GALNTL6: variants seen among roughly 807,000 people sequenced by gnomAD.
The protein encoded by GALNTL6 is polypeptide N-acetylgalactosaminyltransferase-like 6.
A neutral mutation model predicts 73.7 loss-of-function variants in GALNTL6; 46 were observed. That is an observed-to-expected ratio of 0.62 (90% confidence interval 0.49 to 0.80). The LOEUF (loss-of-function observed/expected upper bound fraction) is 0.80. GALNTL6 is among the 30% of genes least tolerant of loss of function. The probability of loss-of-function intolerance (pLI) is 0.00; values close to 1 mark genes in which losing one functional copy is unlikely to be tolerated. For synonymous variants in GALNTL6, 259 were observed against 263.7 expected, an observed-to-expected ratio of 0.98 and a Z score of 0.17; for missense variants, 604 against 755.0, an observed-to-expected ratio of 0.80 and a Z score of 2.34.
chr4:172,375,258 A>G (rs938665184), intron 5 of GALNTL6, among the ~76,000 whole-genome samples: 4 of 152,142 alleles, frequency 2.6e-5, no homozygotes, highest in Non-Finnish European at 5.9e-5. Context: ...CTTCCCTCTT[A>G]CAGAAAAGGT....
Position 172,607,202 on chromosome 4 carries a change from A to G in GALNTL6, c.554-202159A>G, listed in dbSNP as rs544671452. Among the ~76,000 whole-genome samples the G allele has an allele frequency of 3.3e-5, 5 of 152,174 alleles. No homozygotes were observed. In the South Asian group the frequency reaches 1.0e-3, roughly 32 times the overall value. On this transcript the variant is annotated intron_variant, in intron 5 of 12. Transcript: ENST00000506823. Reference sequence around the variant, plus strand: ...TATGGACCTATACTTTAATCCCTCTACTCTCATGAGGGTTTGGTGTACAGA... The same window carrying G: ...TATGGACCTATACTTTAATCCCTCTGCTCTCATGAGGGTTTGGTGTACAGA...
chr4:172,899,862 A>G (rs1214237901), intron 8 of GALNTL6, among the ~76,000 whole-genome samples: 2 of 152,176 alleles, frequency 1.3e-5, no homozygotes, highest in Admixed American at 6.5e-5. Flanking sequence ...TACCGTTGCC[A>G]TGGCATTTGT....
Position 172,870,716 on chromosome 4 carries a change from G to A in GALNTL6, c.924-12074G>A, listed in dbSNP as rs571473982. Among the ~76,000 whole-genome samples the A allele has an allele frequency of 2.6e-5, 4 of 152,278 alleles. No individual in the cohort carries two copies. In the South Asian group the frequency reaches 8.3e-4, roughly 32 times the overall value. ...GGAGATAGTTGAACAGTTCAGACCGGCCTAGGACAGAGACACCTGGTTTAC... is the reference window on the plus strand; with the variant it reads ...GGAGATAGTTGAACAGTTCAGACCGACCTAGGACAGAGACACCTGGTTTAC... On this transcript the variant is annotated intron_variant, in intron 7 of 12. Coordinates refer to ENST00000506823, the MANE Select transcript of GALNTL6 (RefSeq NM_001034845.3).
chr4:172,392,264 C>T (rs1455403458), intron 5 of GALNTL6, among the ~76,000 whole-genome samples: 2 of 152,156 alleles, frequency 1.3e-5, no homozygotes, highest in Admixed American at 1.3e-4. Flanking sequence ...GCTGGAATCA[C>T]AGACATGAGC....
intron 5 of GALNTL6, among the ~76,000 whole-genome samples, chr4:172,758,230 T>C (rs1483755193): frequency 6.6e-6 from 1 of 152,164 alleles, no homozygotes; most frequent in Non-Finnish European, 1.5e-5. Context: ...TTATACAATT[T>C]TTTGTATAGT....
intron 5 of GALNTL6, among the ~76,000 whole-genome samples, chr4:172,691,832 G>A (rs1560883690): frequency 6.6e-6 from 1 of 152,192 alleles, no homozygotes. Flanking sequence ...CAGAATTATA[G>A]CAGAAGCTGA....
intron 5 of GALNTL6, among the ~76,000 whole-genome samples, chr4:172,651,618 T>C (rs553942972): frequency 6.6e-6 from 1 of 152,324 alleles, no homozygotes; most frequent in South Asian, 2.1e-4. Flanking sequence ...TATTTCATCA[T>C]ATATAACAAA....
At chr4:171,920,483 T>C (rs1480704696) in intron 2 of GALNTL6, among the ~76,000 whole-genome samples, 1 of 152,164 alleles carries the variant, frequency 6.6e-6, no homozygotes, top group Non-Finnish European at 1.5e-5. Flanking sequence ...GTAGGAGTCC[T>C]AACTAACTAG....
chr4:172,753,332 G>T lies in GALNTL6; in HGVS notation c.554-56029G>T, dbSNP rs147936637. 2.8e-4 allele frequency among the ~76,000 whole-genome samples: 42 copies of T among 152,260 alleles called. No homozygotes were observed. The East Asian group carries it at 7.1e-3, about 26-fold the overall frequency. ...ACCTCTTTCCTTTATAAATTACCCAGTCTCAGGTAAGTCTTTATTAGCAGC... is the reference window on the plus strand; with the variant it reads ...ACCTCTTTCCTTTATAAATTACCCATTCTCAGGTAAGTCTTTATTAGCAGC... On this transcript the variant is annotated intron_variant, in intron 5 of 12. Coordinates refer to ENST00000506823, the MANE Select transcript of GALNTL6 (RefSeq NM_001034845.3).
intron 7 of GALNTL6, among the ~76,000 whole-genome samples, chr4:172,830,646 AGCAGCCACACCGTG>A (rs1742575690): frequency 6.6e-6 from 1 of 152,226 alleles, no homozygotes. Context: ...AAGGTCATCA[AGCAGCCACACCGTG>A]GCATTATTTA....
chr4:172,872,999 C>A (rs935119006), intron 7 of GALNTL6, among the ~76,000 whole-genome samples: 8 of 152,188 alleles, frequency 5.3e-5, no homozygotes, highest in Non-Finnish European at 8.8e-5. Flanking sequence ...CCTCTCTATG[C>A]CATCCGAGTA....
At chr4:172,800,544 G>A (rs1740579812) in intron 5 of GALNTL6, among the ~76,000 whole-genome samples, 1 of 152,144 alleles carries the variant, frequency 6.6e-6, no homozygotes, top group African/African-American at 2.4e-5. Context: ...TTTGTGTAAT[G>A]CTGATGGTAA....
chr4:172,246,980 A>G (rs1737684058), intron 3 of GALNTL6, among the ~76,000 whole-genome samples: 3 of 152,028 alleles, frequency 2.0e-5, no homozygotes, highest in Admixed American at 2.0e-4. Context: ...TCACTAATTC[A>G]GGTTAACATT....
chr4:172,817,063 G>A (rs557578190), intron 7 of GALNTL6, among the ~76,000 whole-genome samples: 3 of 147,692 alleles, frequency 2.0e-5, no homozygotes, highest in Admixed American at 6.9e-5. Context: ...AGCAGAGATT[G>A]CACCACTGTA....
intron 7 of GALNTL6, among the ~76,000 whole-genome samples, chr4:172,850,531 C>T (rs191980221): frequency 6.6e-6 from 1 of 152,116 alleles, no homozygotes; most frequent in African/African-American, 2.4e-5. Flanking sequence ...CTAAAATATA[C>T]GGGAATTTCT....
intron 2 of GALNTL6, among the ~76,000 whole-genome samples, chr4:172,119,353 A>G (rs17219493): frequency 0.067 from 10,231 of 152,204 alleles, 346 homozygotes; most frequent in South Asian, 0.13. Context: ...CACATTTGAA[A>G]AAACTGAATG....
intron 9 of GALNTL6, among the ~76,000 whole-genome samples, chr4:172,948,524 C>T (rs1315347078): frequency 1.3e-5 from 2 of 150,760 alleles, no homozygotes; most frequent in African/African-American, 4.9e-5. Context: ...GTGATCTCGG[C>T]TCACTGCAAC....
At chr4:172,318,037 C>T (rs1740625709) in intron 4 of GALNTL6, among the ~76,000 whole-genome samples, 1 of 151,940 alleles carries the variant, frequency 6.6e-6, no homozygotes, top group African/African-American at 2.4e-5. Context: ...AAAAATAAAG[C>T]AATTAAATGA....
chr4:172,465,408 C>T (rs1028762034), intron 5 of GALNTL6, among the ~76,000 whole-genome samples: 5 of 151,370 alleles, frequency 3.3e-5, no homozygotes, highest in African/African-American at 7.3e-5. Flanking sequence ...ACCTGGGAGG[C>T]GGAGCTTGCA....
Sources: allele counts gnomAD v4.1 joint callset (sites outside exome capture counted in the v4.1 genomes callset), GRCh38; gene constraint gnomAD v4.1.1; transcripts MANE v1.5; gene names NCBI Gene and HGNC (gene_info 2026-07-23, HGNC 2026-07-21).